RPH3A: variants seen among roughly 807,000 people sequenced by gnomAD.
RPH3A encodes the protein rabphilin 3A, also known as rabphilin-3A.
RPH3A carries 48 observed loss-of-function variants against 102.2 expected under a neutral mutation model. That is an observed-to-expected ratio of 0.47 (90% CI 0.37 to 0.60). The LOEUF is 0.60. Ranked by LOEUF, RPH3A falls within the 20% of genes least tolerant of loss-of-function variation. The pLI, the probability that RPH3A is intolerant of heterozygous loss-of-function variation, is 0.00. For synonymous variants in RPH3A, 310 were observed against 324.3 expected (o/e 0.96, Z 0.47); for missense variants, 781 against 910.1 (o/e 0.86, Z 1.83).
chr12:112,788,339 A>G (rs1175079013), upstream of RPH3A, among the ~76,000 whole-genome samples: 1 of 152,244 alleles, frequency 6.6e-6, no homozygotes, highest in Non-Finnish European at 1.5e-5. Context: ...AGCACCACTA[A>G]CTGTTCTAGT....
intron 1 of RPH3A, among the ~76,000 whole-genome samples, chr12:112,750,388 C>T (rs1264262490): frequency 6.6e-6 from 1 of 152,174 alleles, no homozygotes; most frequent in Non-Finnish European, 1.5e-5. Flanking sequence ...AACCCAGTTA[C>T]TACTGAGGAC....
At chr12:112,689,794 A>G (rs937199569) in intron 1 of RPH3A, among the ~76,000 whole-genome samples, 2 of 152,236 alleles carry the variant, frequency 1.3e-5, no homozygotes, top group Non-Finnish European at 2.9e-5. Context: ...GAGAAGATGG[A>G]GAGAATGGAT....
chr12:112,801,634 C>T (rs2041355940), intron 2 of RPH3A, among the ~76,000 whole-genome samples: 1 of 152,140 alleles, frequency 6.6e-6, no homozygotes, highest in African/African-American at 2.4e-5. Context: ...GTCTGTTATT[C>T]ACGGAGGACT....
intron 1 of RPH3A, among the ~76,000 whole-genome samples, chr12:112,785,446 T>C (rs1181225517): frequency 1.3e-5 from 2 of 152,114 alleles, no homozygotes; most frequent in African/African-American, 4.8e-5. Context: ...ATCTAAACAC[T>C]GAAAAAATAA....
chr12:112,609,282 G>A (rs1452874252), intron 1 of RPH3A, among the ~76,000 whole-genome samples: 1 of 152,148 alleles, frequency 6.6e-6, no homozygotes, highest in Non-Finnish European at 1.5e-5. Flanking sequence ...TGCCAAGGCT[G>A]GTCTCAAATG....
intron 1 of RPH3A, among the ~76,000 whole-genome samples, chr12:112,718,974 G>T (rs977154338): frequency 1.5e-4 from 23 of 152,184 alleles, no homozygotes; most frequent in African/African-American, 5.6e-4. Context: ...ATGTTGGTAA[G>T]GCTTCATCTT....
chr12:112,701,078 G>A (rs1235801145), intron 1 of RPH3A, among the ~76,000 whole-genome samples: 14 of 152,090 alleles, frequency 9.2e-5, no homozygotes, highest in Admixed American at 8.5e-4. Context: ...TCTTGTAGTC[G>A]ATGACTTCAT....
chr12:112,751,912 AT>A (rs1182766328), intron 1 of RPH3A, among the ~76,000 whole-genome samples: 2 of 152,198 alleles, frequency 1.3e-5, no homozygotes, highest in African/African-American at 4.8e-5. Context: ...GTGTATGATA[AT>A]ATTGTCATGC....
intron 1 of RPH3A, among the ~76,000 whole-genome samples, chr12:112,672,687 G>A (rs1247194732): frequency 1.3e-5 from 2 of 152,184 alleles, no homozygotes; most frequent in Non-Finnish European, 2.9e-5. Context: ...TGTCCTTAGG[G>A]TAAGGTGAAA....
chr12:112,638,081 TG>T (rs1219255488), intron 1 of RPH3A, among the ~76,000 whole-genome samples: 1 of 152,088 alleles, frequency 6.6e-6, no homozygotes, highest in East Asian at 1.9e-4. Flanking sequence ...ATACCCTCCC[TG>T]GGGCAGGGGA....
intron 1 of RPH3A, among the ~76,000 whole-genome samples, chr12:112,655,813 T>C (rs1481071087): frequency 6.6e-6 from 1 of 152,074 alleles, no homozygotes; most frequent in African/African-American, 2.4e-5. Context: ...CCTCAGGTGA[T>C]CCGCCAGCCT....
intron 1 of RPH3A, among the ~76,000 whole-genome samples, chr12:112,763,114 C>T (rs1249637016): frequency 6.6e-6 from 1 of 152,222 alleles, no homozygotes; most frequent in Non-Finnish European, 1.5e-5. Flanking sequence ...CATATACTGT[C>T]GTGCTATTAG....
chr12:112,889,641 G>A (rs551981522), intron 17 of RPH3A, among the ~76,000 whole-genome samples: 6 of 152,176 alleles, frequency 3.9e-5, no homozygotes, highest in Non-Finnish European at 8.8e-5. Flanking sequence ...AGCACCTGGT[G>A]GGTCAGACCC....
chr12:112,628,064 G>A lies in RPH3A; in HGVS notation c.-140+52745G>A, dbSNP rs1019496900. On this transcript the variant is annotated intron_variant, in intron 1 of 21. Transcript: ENST00000543106. The stretch of plus-strand genomic sequence containing the variant: ...AGAACTCACTCACTGTCACAAGAAC[G>A]GCAAGAGGGAAATTCACCCCCATGA... Among the ~76,000 whole-genome samples, 19 of 152,060 alleles carry A rather than the reference G, an allele frequency of 1.2e-4. 1 individual carries two copies. The highest frequency in any genetic ancestry group is 7.9e-4 in the Admixed American group (12 of 15,268).
chr12:112,831,229 C>A (rs2041965740), intron 3 of RPH3A, among the ~76,000 whole-genome samples: 2 of 150,244 alleles, frequency 1.3e-5, no homozygotes, highest in African/African-American at 4.9e-5. Flanking sequence ...TTCTATGGTT[C>A]TTTTGTTTCT....
intron 1 of RPH3A, among the ~76,000 whole-genome samples, chr12:112,720,574 C>T (rs759304734): frequency 2.5e-4 from 38 of 152,182 alleles, no homozygotes; most frequent in African/African-American, 8.9e-4. Context: ...ATCTCAGTGA[C>T]GTGCAACAAA....
chr12:112,680,321 G>A (rs918365594), intron 1 of RPH3A, among the ~76,000 whole-genome samples: 1 of 152,148 alleles, frequency 6.6e-6, no homozygotes, highest in Non-Finnish European at 1.5e-5. Context: ...CGACATTTAG[G>A]TGATTGTAAA....
At chr12:112,660,343 A>G (rs1192380246) in intron 1 of RPH3A, among the ~76,000 whole-genome samples, 1 of 152,068 alleles carries the variant, frequency 6.6e-6, no homozygotes, top group African/African-American at 2.4e-5. Context: ...AGTGACACAC[A>G]TTATTCTTAC....
At chr12:112,691,063 C>T (rs1010976426) in intron 1 of RPH3A, among the ~76,000 whole-genome samples, 7 of 151,544 alleles carry the variant, frequency 4.6e-5, no homozygotes, top group South Asian at 2.1e-4. Flanking sequence ...CTCGCTCTGT[C>T]GCCCAGGCTG....
Sources: gnomAD v4.1 joint callset for allele counts (sites outside exome capture counted in the v4.1 genomes callset) on GRCh38, gnomAD v4.1.1 for gene constraint, MANE v1.5 for transcripts, NCBI Gene and HGNC (gene_info 2026-07-23, HGNC 2026-07-21) for gene names.